NOD2: variants seen among roughly 807,000 people sequenced by gnomAD.
NOD2 encodes the protein nucleotide-binding oligomerization domain-containing protein 2.
A neutral mutation model predicts 90.9 loss-of-function variants in NOD2; 86 were observed. The observed-to-expected ratio is 0.95, with a 90% CI of 0.79 to 1.13. NOD2 has a LOEUF of 1.13. Among genes scored for constraint, NOD2 ranks in the 50% most tolerant of loss-of-function variants. The pLI is 0.00. For synonymous variants in NOD2, 581 were observed against 554.6 expected, an observed-to-expected ratio of 1.05 and a Z score of -0.67; for missense variants, 1,238 against 1,283.8, an observed-to-expected ratio of 0.96 and a Z score of 0.55.
Position 50,700,773 on chromosome 16 carries a change from C to T in NOD2, c.459+819C>T, listed in dbSNP as rs1320053990. Among the ~76,000 whole-genome samples, 3 of 152,196 alleles carry T rather than the reference C, an allele frequency of 2.0e-5. No individual in the cohort carries two copies. The East Asian group carries it at 5.8e-4, about 29-fold the overall frequency. ...AAATTAACAGCACAACAGACCATAA[C>T]ACTGCAGTATATTGAATTTATTTTA... On this transcript the variant is annotated intron_variant, in intron 2 of 11. Transcript: ENST00000647318.
chr16:50,710,466 T>C (rs917341473), intron 3 of NOD2, 92 bp from the exon 4 acceptor site: 2 of 1,566,188 alleles, frequency 1.3e-6, no homozygotes, highest in Non-Finnish European at 1.8e-6. Context: ...TCCCTTCAGT[T>C]ATGTCAGCGT....
In NOD2 at chr16:50,710,647, C is replaced by A; in HGVS notation, c.655C>A (p.Leu219Ile). The A allele has an allele frequency of 1.2e-6, 2 of 1,614,208 alleles. No individual in the cohort carries two copies. The highest frequency in any genetic ancestry group is 1.7e-6 in the Non-Finnish European group (2 of 1,180,044). Reference sequence around the variant, plus strand: ...CAGTACCTATGATGGAGCAGAGACGCTCTGCCTGGAGGACATATACACAGA... The same window carrying A: ...CAGTACCTATGATGGAGCAGAGACGATCTGCCTGGAGGACATATACACAGA... Reference protein sequence around the residue: ...FLSTYDGAETLCLEDIYTENV... With the variant: ...FLSTYDGAETICLEDIYTENV... The change falls in exon 4 of 12, where the codon CTC (leucine) becomes ATC (isoleucine). Residue 219 changes from leucine to isoleucine, a missense_variant. By Grantham distance (5) the Leu-to-Ile change is conservative (BLOSUM62 2). Transcript: ENST00000647318.
intron 2 of NOD2, among the ~76,000 whole-genome samples, chr16:50,706,589 C>T (rs986757148): frequency 7.9e-5 from 12 of 152,096 alleles, no homozygotes; most frequent in African/African-American, 2.9e-4. Context: ...GGCATTTGAG[C>T]ACTAGAGACC....
At chr16:50,703,261 A>G (rs993848777) in intron 2 of NOD2, among the ~76,000 whole-genome samples, 4 of 152,216 alleles carry the variant, frequency 2.6e-5, no homozygotes, top group African/African-American at 9.7e-5. Context: ...ATGTTTTAGC[A>G]TCTTTTAAAA....
In NOD2 at chr16:50,729,913, G is replaced by A. The variant is rs1965396158; in HGVS notation, c.2969+12G>A. On this transcript the variant is annotated intron_variant, in intron 11 of 11. Coordinates refer to ENST00000647318, the MANE Select transcript of NOD2 (RefSeq NM_001370466.1). ...ATCCTGGAAGTCTGGTAAGGCCCCT[G>A]GGCAGGCCTGTTTTAGCTCTCCGAA... 1.9e-6 allele frequency: 3 copies of A among 1,608,036 alleles called. No homozygotes were observed. The African/African-American group carries it at 4.0e-5, about 22-fold the overall frequency.
chr16:50,699,385 G>A (rs1963815884), intron 1 of NOD2, 103 bp from the exon 2 acceptor site: 1 of 915,306 alleles, frequency 1.1e-6, no homozygotes, highest in Admixed American at 1.7e-5. Context: ...CTAGAACCAT[G>A]GCCAACTCGG....
chr16:50,697,491 T>C (rs1963709874), intron 1 of NOD2: 1 of 702,378 alleles, frequency 1.4e-6, no homozygotes, highest in Non-Finnish European at 2.6e-6. Flanking sequence ...GCAGGGTCAA[T>C]GGTGGGGGCC....
At chr16:50,702,840 C>T (rs1298345764) in intron 2 of NOD2, among the ~76,000 whole-genome samples, 2 of 152,206 alleles carry the variant, frequency 1.3e-5, no homozygotes, top group Non-Finnish European at 2.9e-5. Flanking sequence ...GGCCTGTTTT[C>T]CTCCAGAGCT....
intron 2 of NOD2, among the ~76,000 whole-genome samples, chr16:50,706,468 G>C (rs1174671478): frequency 6.6e-6 from 1 of 152,148 alleles, no homozygotes; most frequent in Non-Finnish European, 1.5e-5. Context: ...GACCAGTTTT[G>C]CAGCCTGTGC....
At position 50,723,302 on chromosome 16, in the gene NOD2, C is replaced by G. The variant is rs771833402; in HGVS notation, c.2719C>G (p.Leu907Val). ...CTTTTGTTCCATGATTACCTCCAGC[C>G]TGGTGGGGAACAACATTGGCAGTGT... The part of the protein sequence containing the change: ...GDHQSLRWLS[L>V]VGNNIGSVGA... Residue 907 changes from leucine (L) to valine (V), a missense_variant and splice_region_variant, in exon 9 of 12, where the codon CTG (leucine) becomes GTG (valine). Physicochemically the swap from Leu to Val is conservative, Grantham distance 32. Around this residue, in one of 3 missense-constraint regions of NOD2, gnomAD observed 667 missense variants for 688.7 expected, o/e 0.97. Coordinates refer to ENST00000647318, the MANE Select transcript of NOD2 (RefSeq NM_001370466.1). The G allele has an allele frequency of 1.2e-5, 20 of 1,613,716 alleles. No individual in the cohort carries two copies. Among genetic ancestry groups the G allele is most frequent in the Non-Finnish European group, 1.7e-5 (20 of 1,179,768 alleles).
At chr16:50,731,259 C>T (rs1032378174) in intron 11 of NOD2, among the ~76,000 whole-genome samples, 7 of 152,176 alleles carry the variant, frequency 4.6e-5, no homozygotes, top group African/African-American at 7.2e-5. Flanking sequence ...TGGCCTATGA[C>T]GTCATCAGGT....
Position 50,731,842 on chromosome 16 carries a change from T to G in NOD2, c.*23T>G. On this transcript the variant is annotated 3_prime_UTR_variant, in exon 12 of 12. Coordinates refer to ENST00000647318, the MANE Select transcript of NOD2 (RefSeq NM_001370466.1). Reference sequence around the variant, plus strand: ...TGAAGTCTCCGGGAGGATGTTCGTCTCAGTTTGTTTGTGAGCAGGCTGTGA... The same window carrying G: ...TGAAGTCTCCGGGAGGATGTTCGTCGCAGTTTGTTTGTGAGCAGGCTGTGA... The G allele has an allele frequency of 6.3e-7, 1 of 1,597,108 alleles. No individual in the cohort carries two copies.
intron 2 of NOD2, among the ~76,000 whole-genome samples, chr16:50,704,281 T>A (rs2150792437): frequency 6.6e-6 from 1 of 152,304 alleles, no homozygotes; most frequent in East Asian, 1.9e-4. Flanking sequence ...GTCTCCTGTA[T>A]CCTGAATCCT....
intron 2 of NOD2, 57 bp downstream of exon 2, chr16:50,700,011 A>C: frequency 6.7e-7 from 1 of 1,499,330 alleles, no homozygotes; most frequent in Admixed American, 1.7e-5. Context: ...CTTAGTCACC[A>C]AGACTGATTT....
intron 2 of NOD2, among the ~76,000 whole-genome samples, chr16:50,700,807 A>G (rs1293188664): frequency 6.6e-6 from 1 of 152,252 alleles, no homozygotes; most frequent in African/African-American, 2.4e-5. Flanking sequence ...TATAATTAAC[A>G]TAGCATATTA....
chr16:50,695,496 T>C (rs1229413406), intron 1 of NOD2, among the ~76,000 whole-genome samples: 1 of 151,918 alleles, frequency 6.6e-6, no homozygotes, highest in Non-Finnish European at 1.5e-5. Flanking sequence ...GAGTAAGCAG[T>C]TGGGAAAAGT....
chr16:50,695,585 G>C, intron 1 of NOD2, among the ~76,000 whole-genome samples: 1 of 152,136 alleles, frequency 6.6e-6, no homozygotes, highest in Non-Finnish European at 1.5e-5. Flanking sequence ...ACAAGAGCAG[G>C]TGGGCTCATC....
chr16:50,730,469 G>A (rs1254350684), intron 11 of NOD2, among the ~76,000 whole-genome samples: 1 of 152,184 alleles, frequency 6.6e-6, no homozygotes, highest in Non-Finnish European at 1.5e-5. Flanking sequence ...CTGAGCCACA[G>A]CTTCAAAGAT....
At chr16:50,700,743 G>A (rs944340510) in intron 2 of NOD2, among the ~76,000 whole-genome samples, 26 of 152,118 alleles carry the variant, frequency 1.7e-4, no homozygotes, top group African/African-American at 6.3e-4. Context: ...ATTTCTGTCT[G>A]TTTTAAATTA....
Sources: gnomAD v4.1 joint callset for allele counts (sites outside exome capture counted in the v4.1 genomes callset) on GRCh38, gnomAD v4.1.1 for gene constraint, gnomAD v4.1.1 regional missense constraint, MANE v1.5 for transcripts, NCBI Gene and HGNC (gene_info 2026-07-23, HGNC 2026-07-21) for gene names.